The following SUMF1 variants were observed in gnomAD, a reference collection of about 807,000 sequenced individuals.
The protein encoded by SUMF1 is sulfatase modifying factor 1.
In SUMF1, 48 loss-of-function variants were observed where a neutral mutation model predicts 47.6. The ratio of observed to expected loss-of-function variants is 1.01; its 90% CI spans 0.80 to 1.28. The LOEUF (loss-of-function observed/expected upper bound fraction) is 1.28. SUMF1 is among the 50% of genes most tolerant of loss of function. The probability of loss-of-function intolerance (pLI) is 0.00; values close to 1 mark genes in which losing one functional copy is unlikely to be tolerated. For synonymous variants in SUMF1, 230 were observed against 192.1 expected (o/e 1.20, Z -1.63); for missense variants, 571 against 485.4 (o/e 1.18, Z -1.66).
chr3:4,291,483 T>TA (rs1458207249), intron 8 of SUMF1, among the ~76,000 whole-genome samples: 3 of 152,136 alleles, frequency 2.0e-5, no homozygotes, highest in Admixed American at 2.0e-4. Flanking sequence ...TAATGCAAAA[T>TA]AAATAATTTA....
At chr3:4,341,503 G>C (rs1451925177) in intron 8 of SUMF1, among the ~76,000 whole-genome samples, 1 of 151,878 alleles carries the variant, frequency 6.6e-6, no homozygotes, top group African/African-American at 2.4e-5. Flanking sequence ...TGGACAAAGG[G>C]TTTTTTGTTT....
At chr3:4,256,546 C>CT (rs1372718283) in intron 8 of SUMF1, among the ~76,000 whole-genome samples, 25 of 147,026 alleles carry the variant, frequency 1.7e-4, no homozygotes, top group Non-Finnish European at 3.0e-4. Flanking sequence ...GACACATACA[C>CT]TCTCCCAAGA....
At chr3:4,332,762 G>A (rs555049952) in intron 8 of SUMF1, among the ~76,000 whole-genome samples, 1 of 152,114 alleles carries the variant, frequency 6.6e-6, no homozygotes, top group Non-Finnish European at 1.5e-5. Flanking sequence ...CAGTTCCCTG[G>A]TAAAGGTCCC....
intron 8 of SUMF1, among the ~76,000 whole-genome samples, chr3:4,282,603 A>T (rs765486586): frequency 3.3e-5 from 5 of 152,174 alleles, no homozygotes; most frequent in Non-Finnish European, 5.9e-5. Context: ...TTTTACACTA[A>T]ATGGCACTTT....
intron 8 of SUMF1, among the ~76,000 whole-genome samples, chr3:4,305,142 T>A (rs1006032353): frequency 2.6e-5 from 4 of 152,126 alleles, no homozygotes; most frequent in African/African-American, 9.7e-5. Flanking sequence ...GGCTAGAGTG[T>A]GGTGGTGCGA....
chr3:4,260,330 C>T (rs1369410235), intron 8 of SUMF1, among the ~76,000 whole-genome samples: 1 of 152,182 alleles, frequency 6.6e-6, no homozygotes. Context: ...GGCAATAAAA[C>T]AGCCTAGTGT....
intron 8 of SUMF1, among the ~76,000 whole-genome samples, chr3:4,070,278 T>C (rs1182226491): frequency 6.6e-6 from 1 of 152,176 alleles, no homozygotes; most frequent in Non-Finnish European, 1.5e-5. Context: ...CTTGGGTACA[T>C]GTTCTCAGGA....
intron 8 of SUMF1, among the ~76,000 whole-genome samples, chr3:4,254,098 C>G (rs188429981): frequency 2.0e-5 from 3 of 151,606 alleles, no homozygotes; most frequent in Non-Finnish European, 4.4e-5. Flanking sequence ...ACATCCACAC[C>G]GAAAACCCAT....
At chr3:4,335,476 C>T (rs532737150) in intron 8 of SUMF1, among the ~76,000 whole-genome samples, 217 of 152,310 alleles carry the variant, frequency 1.4e-3, no homozygotes, top group Non-Finnish European at 2.5e-3. Flanking sequence ...CTACTCTCCA[C>T]CATCACGGAA....
At chr3:4,313,059 A>C (rs1212179488) in intron 8 of SUMF1, 1 of 1,613,814 alleles carries the variant, frequency 6.2e-7, no homozygotes, top group East Asian at 2.2e-5. Flanking sequence ...GAGATATAGG[A>C]TCTGGAGGAA....
chr3:4,391,806 A>T (rs1002511660), intron 7 of SUMF1, among the ~76,000 whole-genome samples: 1 of 149,608 alleles, frequency 6.7e-6, no homozygotes, highest in African/African-American at 2.5e-5. Context: ...GGTTTGGATA[A>T]TTCCTTTTTC....
intron 8 of SUMF1, among the ~76,000 whole-genome samples, chr3:4,175,898 G>T (rs1221666597): frequency 1.3e-5 from 2 of 152,152 alleles, no homozygotes; most frequent in African/African-American, 4.8e-5. Context: ...ACATGCACAA[G>T]CTTCAATAGC....
At chr3:4,353,177 T>C (rs1007823253) in intron 8 of SUMF1, among the ~76,000 whole-genome samples, 2 of 152,242 alleles carry the variant, frequency 1.3e-5, no homozygotes, top group East Asian at 1.9e-4. Context: ...GGCAGGAGGA[T>C]GGCTTGAGGC....
rs1259364722 is a variant in SUMF1, at chr3:4,254,487, T to A, written c.1014+121843A>T. On this transcript the variant is annotated intron_variant and NMD_transcript_variant, in intron 8 of 12. Transcript: ENST00000448413. ...AGAATGCAGAAGCCTCAGGAGCCGA[T>A]GCCATCAACTGGAAGAAAGGGTATC... Among the ~76,000 whole-genome samples, 67 of 150,554 alleles carry A rather than the reference T, an allele frequency of 4.5e-4. 1 individual carries two copies. Among genetic ancestry groups the A allele is most frequent in the Non-Finnish European group, 3.3e-4 (22 of 67,688 alleles).
intron 8 of SUMF1, among the ~76,000 whole-genome samples, chr3:4,167,831 T>C (rs1377374407): frequency 2.0e-5 from 3 of 152,202 alleles, no homozygotes; most frequent in African/African-American, 7.2e-5. Context: ...AACTACTTTT[T>C]AGATACAGGA....
At chr3:4,190,265 A>G (rs1264057536) in intron 8 of SUMF1, among the ~76,000 whole-genome samples, 1 of 152,104 alleles carries the variant, frequency 6.6e-6, no homozygotes, top group African/African-American at 2.4e-5. Context: ...AGCTCGTGAA[A>G]ACTATATTAC....
At chr3:4,239,088 T>C (rs1696478467) in intron 8 of SUMF1, among the ~76,000 whole-genome samples, 1 of 152,240 alleles carries the variant, frequency 6.6e-6, no homozygotes, top group South Asian at 2.1e-4. Flanking sequence ...TGGTTGTAGA[T>C]GTGTCGCATT....
chr3:4,130,172 G>GCCTGTGC (rs1559495233), intron 8 of SUMF1, among the ~76,000 whole-genome samples: 1 of 152,140 alleles, frequency 6.6e-6, no homozygotes, highest in Non-Finnish European at 1.5e-5. Context: ...ATGGATCTTG[G>GCCTGTGC]AGAATGACAG....
intron 8 of SUMF1, among the ~76,000 whole-genome samples, chr3:4,092,943 G>GAAAA (rs765555225): frequency 6.7e-6 from 1 of 149,240 alleles, no homozygotes; most frequent in Admixed American, 6.7e-5. Context: ...TTGATAAAAG[G>GAAAA]AAAAAAAAAC....
Sources: gnomAD v4.1 joint callset for allele counts (sites outside exome capture counted in the v4.1 genomes callset) on GRCh38, gnomAD v4.1.1 for gene constraint, MANE v1.5 for transcripts, NCBI Gene and HGNC (gene_info 2026-07-23, HGNC 2026-07-21) for gene names.